The following LYZL2 variants were observed in gnomAD, a reference collection of about 807,000 sequenced individuals.
LYZL2 encodes the protein lysozyme-like protein 2.
In LYZL2, 13 loss-of-function variants were observed where a neutral mutation model predicts 17.1. The ratio of observed to expected loss-of-function variants is 0.76; its 90% CI spans 0.49 to 1.21. The LOEUF is 1.21. LYZL2 is among the 50% of genes most tolerant of loss of function. The pLI, the probability that LYZL2 is intolerant of heterozygous loss-of-function variation, is 0.00. For synonymous variants in LYZL2, 63 were observed against 74.4 expected (o/e 0.85, Z 0.79); for missense variants, 166 against 189.2 (o/e 0.88, Z 0.72).
chr10:30,616,545 A>C (rs527328673), intron 3 of LYZL2, among the ~76,000 whole-genome samples: 1 of 152,352 alleles, frequency 6.6e-6, no homozygotes, highest in South Asian at 2.1e-4. Flanking sequence ...ACAACAAAAA[A>C]GTCTTTTGCC....
chr10:30,612,663 C>T (rs11816451), intron 4 of LYZL2, among the ~76,000 whole-genome samples, 159 bp downstream of exon 4: 10,625 of 152,310 alleles, frequency 0.07, 456 homozygotes, highest in South Asian at 0.18. Flanking sequence ...ATGTTCACTG[C>T]ACACCCACAC....
downstream of LYZL2, among the ~76,000 whole-genome samples, chr10:30,608,797 C>A (rs537224352): frequency 6.6e-6 from 1 of 152,300 alleles, no homozygotes; most frequent in East Asian, 1.9e-4. Context: ...TTCTGTGATT[C>A]CACATGTGTC....
intron 3 of LYZL2, among the ~76,000 whole-genome samples, chr10:30,623,579 C>G (rs1280767616): frequency 6.6e-6 from 1 of 152,138 alleles, no homozygotes; most frequent in Non-Finnish European, 1.5e-5. Flanking sequence ...TAGGTGTGAA[C>G]TCTACTGTGA....
intron 3 of LYZL2, among the ~76,000 whole-genome samples, chr10:30,622,330 A>T (rs758158881): frequency 3.3e-5 from 5 of 152,102 alleles, no homozygotes; most frequent in Non-Finnish European, 7.4e-5. Flanking sequence ...GCAGATCACA[A>T]GGTCAGGAGA....
At chr10:30,614,574 A>C (rs1191930757) in intron 3 of LYZL2, among the ~76,000 whole-genome samples, 1 of 152,226 alleles carries the variant, frequency 6.6e-6, no homozygotes, top group Admixed American at 6.5e-5. Context: ...CATGACCACC[A>C]CAACCACCAA....
rs187338838 is a variant in LYZL2, at chr10:30,624,411, C to T, written c.298+1694G>A. 5.1e-4 allele frequency among the ~76,000 whole-genome samples: 78 copies of T among 152,330 alleles called. 1 individual carries two copies. The East Asian group carries it at 5.4e-3, about 11-fold the overall frequency. ...CAGATCCTAGAAGGCAGTCCTCTCC[C>T]GGCAGACCTTTTGTACCTCAGTGCT... On this transcript the variant is annotated intron_variant, in intron 3 of 4. Transcript: ENST00000647634.
chr10:30,606,630 G>T, the LYZL2 span, among the ~76,000 whole-genome samples: 1 of 152,254 alleles, frequency 6.6e-6, no homozygotes, highest in East Asian at 1.9e-4. Flanking sequence ...CTATTTTACA[G>T]GAGGTGAAAC....
chr10:30,619,424 A>T (rs905240361), intron 3 of LYZL2, among the ~76,000 whole-genome samples: 2 of 152,342 alleles, frequency 1.3e-5, no homozygotes, highest in African/African-American at 4.8e-5. Flanking sequence ...TTTGGAACCA[A>T]CCCAAATGTC....
intron 3 of LYZL2, among the ~76,000 whole-genome samples, chr10:30,617,773 G>A (rs1424020848): frequency 6.6e-6 from 1 of 151,852 alleles, no homozygotes; most frequent in Non-Finnish European, 1.5e-5. Context: ...ACAAGACAGG[G>A]ATGTCCTCTC....
downstream of LYZL2, among the ~76,000 whole-genome samples, chr10:30,609,775 C>T (rs1838411767): frequency 1.3e-5 from 2 of 152,292 alleles, no homozygotes; most frequent in South Asian, 4.1e-4. Context: ...ATAAAGATAG[C>T]TCAGGCATAG....
At chr10:30,624,418 C>A (rs530349536) in intron 3 of LYZL2, among the ~76,000 whole-genome samples, 1 of 152,208 alleles carries the variant, frequency 6.6e-6, no homozygotes, top group Non-Finnish European at 1.5e-5. Context: ...TCCCGGCAGA[C>A]CTTTTGTACC....
At chr10:30,619,801 C>T (rs2132943733) in intron 3 of LYZL2, among the ~76,000 whole-genome samples, 1 of 151,646 alleles carries the variant, frequency 6.6e-6, no homozygotes, top group Non-Finnish European at 1.5e-5. Flanking sequence ...ACGTTGTGTA[C>T]ATGTACCCTA....
At chr10:30,606,494 C>A in the LYZL2 span, among the ~76,000 whole-genome samples, 1 of 151,950 alleles carries the variant, frequency 6.6e-6, no homozygotes, top group Admixed American at 6.6e-5. Flanking sequence ...CTGGGACTAG[C>A]AGGCATGCAC....
downstream of LYZL2, among the ~76,000 whole-genome samples, chr10:30,610,344 G>GA (rs1588671487): frequency 6.6e-6 from 1 of 151,808 alleles, no homozygotes; most frequent in African/African-American, 2.4e-5. Flanking sequence ...AGCTTCAATT[G>GA]AAAAAAAATG....
chr10:30,618,982 A>G (rs1184356687), intron 3 of LYZL2, among the ~76,000 whole-genome samples: 1 of 152,250 alleles, frequency 6.6e-6, no homozygotes, highest in Non-Finnish European at 1.5e-5. Context: ...ATTTACAAGA[A>G]AAAAACAAAC....
In LYZL2 at chr10:30,626,693, C is replaced by T. The variant is rs1191339442; in HGVS notation, c.139+84G>A. 1.5e-5 allele frequency: 24 copies of T among 1,575,612 alleles called. No homozygotes were observed. The East Asian group carries it at 5.1e-4, about 34-fold the overall frequency. ...GGCAGAGCAGGGGTAGTTGGGGAGA[C>T]ACAGCAGGGAGTGTAGCCAGGACCT... On this transcript the variant is annotated intron_variant, in intron 2 of 4. Coordinates refer to ENST00000647634, the MANE Select transcript of LYZL2 (RefSeq NM_183058.3).
chr10:30,629,387 C>T (rs1191713705), intron 1 of LYZL2, among the ~76,000 whole-genome samples: 1 of 147,682 alleles, frequency 6.8e-6, no homozygotes, highest in Non-Finnish European at 1.5e-5. Flanking sequence ...GAGTGACATC[C>T]TGTTTCAAAA....
chr10:30,613,831 T>C (rs1838486593), intron 3 of LYZL2, among the ~76,000 whole-genome samples: 1 of 152,132 alleles, frequency 6.6e-6, no homozygotes, highest in Non-Finnish European at 1.5e-5. Context: ...TACTTCCACC[T>C]CAGCCTTCAA....
intron 4 of LYZL2, 58 bp from the exon 5 acceptor site, chr10:30,612,082 C>T (rs565027867): frequency 7.5e-6 from 12 of 1,596,770 alleles, no homozygotes; most frequent in South Asian, 4.4e-5. Flanking sequence ...CAAACCGTCT[C>T]AGTTTCAAAG....
Sources: gnomAD v4.1 joint callset for allele counts (sites outside exome capture counted in the v4.1 genomes callset) on GRCh38, gnomAD v4.1.1 for gene constraint, MANE v1.5 for transcripts, NCBI Gene and HGNC (gene_info 2026-07-23, HGNC 2026-07-21) for gene names.